Variants in CELSR3 observed in about 807,000 individuals in gnomAD.
CELSR3 encodes the protein cadherin EGF LAG seven-pass G-type receptor 3.
A neutral mutation model predicts 270.0 loss-of-function variants in CELSR3; 73 were observed. The ratio of observed to expected loss-of-function variants is 0.27; its 90% CI spans 0.22 to 0.33. The LOEUF (loss-of-function observed/expected upper bound fraction) is 0.33, where lower values mean the gene tolerates loss of function less well. Ranked by LOEUF, CELSR3 falls within the 10% of genes least tolerant of loss-of-function variation. The pLI is 1.00. For synonymous variants in CELSR3, 1,780 were observed against 1,905.4 expected (o/e 0.93, Z 1.71); for missense variants, 3,614 against 4,533.8 (o/e 0.80, Z 5.83).
At chr3:48,643,781 A>G in intron 27 of CELSR3, 104 bp from the exon 28 acceptor site, 2 of 1,362,038 alleles carry the variant, frequency 1.5e-6, no homozygotes, top group East Asian at 2.5e-5. Context: ...GAAACGTGAA[A>G]AAAAGGAACT....
chr3:48,648,147 G>A (rs563676463), intron 19 of CELSR3, 119 bp downstream of exon 19: 24 of 1,406,308 alleles, frequency 1.7e-5, no homozygotes, highest in South Asian at 6.6e-5. Flanking sequence ...CGCTGAGGGC[G>A]GTGGCTGAGT....
At position 48,643,065 on chromosome 3, in the gene CELSR3, G is replaced by A. The variant is rs2047044410; in HGVS notation, c.8308C>T (p.Leu2770Phe). Residue 2770 changes from leucine to phenylalanine, a missense_variant, in exon 29 of 35, where the codon CTC becomes TTC. Leu to Phe is a conservative substitution (Grantham distance 22). This residue lies in a region of CELSR3 where 1,240 missense variants were observed against 1,351.7 expected (regional missense o/e 0.92). Transcript: ENST00000164024. ...CGLQGLAVLL[L>F]FCVLNADARA... Reference sequence around the variant, plus strand: ...GCATCTGCATTTAGGACACAGAAGAGCAGCAGCACCGCCAGGCCCTGTGGG... The same window carrying A: ...GCATCTGCATTTAGGACACAGAAGAACAGCAGCACCGCCAGGCCCTGTGGG... 2 of 1,612,102 alleles carry A rather than the reference G, an allele frequency of 1.2e-6. No homozygotes were observed. Among genetic ancestry groups the A allele is most frequent in the East Asian group, 2.2e-5 (1 of 44,884 alleles).
In CELSR3 at chr3:48,655,866, A is replaced by T; in HGVS notation, c.4626-15T>A. On this transcript the variant is annotated splice_polypyrimidine_tract_variant and intron_variant, in intron 3 of 34. Coordinates refer to ENST00000164024, the MANE Select transcript of CELSR3 (RefSeq NM_001407.3). The surrounding 1 kb of genome is among the most constrained non-coding windows in gnomAD (Gnocchi z 5.8). The stretch of plus-strand genomic sequence containing the variant: ...CTGTCGCGAACCTGGGCGGGGTGGG[A>T]GGGGGTTGCGGGGGTGGGAGCGTCA... The T allele has an allele frequency of 3.9e-4, 88 of 222,804 alleles. No individual in the cohort carries two copies. Among genetic ancestry groups the T allele is most frequent in the Non-Finnish European group, 7.2e-4 (83 of 115,096 alleles). 13.8% of individuals were successfully genotyped at this position (222,804 alleles called of 1,614,324 possible).
At position 48,640,392 on chromosome 3, in the gene CELSR3, G is replaced by A. The variant is rs374253690; in HGVS notation, c.9193C>T (p.Arg3065Cys). 100 of 1,612,506 alleles carry A rather than the reference G, an allele frequency of 6.2e-5. No homozygotes were observed. Among genetic ancestry groups the A allele is most frequent in the Non-Finnish European group, 8.1e-5 (95 of 1,179,922 alleles). The change falls in exon 34 of 35, where the codon CGC (arginine) becomes TGC (cysteine). Residue 3065 changes from arginine to cysteine, a missense_variant. Physicochemically the swap from Arg to Cys is radical, Grantham distance 180. This residue lies in a region of CELSR3 where 1,240 missense variants were observed against 1,351.7 expected (regional missense o/e 0.92). Coordinates refer to ENST00000164024, the MANE Select transcript of CELSR3 (RefSeq NM_001407.3). The surrounding 1 kb of genome is among the most constrained non-coding windows in gnomAD (Gnocchi z 7.5). ...TCCAGCTGTTCTCTAGAAGAGTAGC[G>A]GCTGGCTGGCTGTGAAAGGCTGCCC... ...GTGSLSQPASRYSSREQLDLL... is the reference protein window; with the variant it reads ...GTGSLSQPASCYSSREQLDLL...
rs2106704809 is a variant in CELSR3, at chr3:48,646,331, C to T, written c.7296-74G>A. Reference sequence around the variant, plus strand: ...CAGCCTGCTTGCCTCACCCCGTCTTCATGCCACTCGCCAGGGCTGACCCAG... The same window carrying T: ...CAGCCTGCTTGCCTCACCCCGTCTTTATGCCACTCGCCAGGGCTGACCCAG... On this transcript the variant is annotated intron_variant, in intron 21 of 34. Transcript: ENST00000164024. This position sits in a 1 kb window ranked among gnomAD's most constrained non-coding sequence, Gnocchi z 4.8. 2 of 1,478,386 alleles carry T rather than the reference C, an allele frequency of 1.4e-6. No individual in the cohort carries two copies. The highest frequency in any genetic ancestry group is 1.8e-6 in the Non-Finnish European group (2 of 1,095,690). 91.6% of individuals were successfully genotyped at this position (1,478,386 alleles called of 1,614,324 possible). A position where few individuals can be genotyped will look rare whatever the true frequency, so the allele number is the denominator to read the frequency against.
Position 48,641,006 on chromosome 3 carries a change from C to T in CELSR3, c.9025+318G>A. 2.5e-6 allele frequency: 1 copy of T among 403,802 alleles called. No homozygotes were observed. Among genetic ancestry groups the T allele is most frequent in the South Asian group, 4.2e-5 (1 of 23,814 alleles). 25.0% of individuals were successfully genotyped at this position (403,802 alleles called of 1,614,324 possible). A position where few individuals can be genotyped will look rare whatever the true frequency, so the allele number is the denominator to read the frequency against. ...AGTAGGGGGCAGAAATCTTCCAGATCAGAGCACGGGCTCTGGGATCTGGGT... is the reference window on the plus strand; with the variant it reads ...AGTAGGGGGCAGAAATCTTCCAGATTAGAGCACGGGCTCTGGGATCTGGGT... On this transcript the variant is annotated intron_variant, in intron 33 of 34. Coordinates refer to ENST00000164024, the MANE Select transcript of CELSR3 (RefSeq NM_001407.3). The surrounding 1 kb of genome is among the most constrained non-coding windows in gnomAD (Gnocchi z 4.8).
chr3:48,661,230 G>A lies in CELSR3; in HGVS notation c.1405C>T (p.Arg469Cys). ...GCTGGCGGCCCCACGAAGCGGTAGC[G>A]CAGGTTGGCGTTGGGGGGCGCGTCG... ...DGDAPPNANL[R>C]YRFVGPPAAR... Residue 469 changes from arginine (R) to cysteine (C), a missense_variant, in exon 1 of 35, where the codon CGC (arginine) becomes TGC (cysteine). Around this residue, in one of 7 missense-constraint regions of CELSR3, gnomAD observed 354 missense variants for 500.9 expected, o/e 0.71. Coordinates refer to ENST00000164024, the MANE Select transcript of CELSR3 (RefSeq NM_001407.3). 1 of 1,606,258 alleles carries A rather than the reference G, an allele frequency of 6.2e-7. No homozygotes were observed. The highest frequency in any genetic ancestry group is 8.5e-7 in the Non-Finnish European group (1 of 1,175,876).
rs142475235 is a variant in CELSR3, at chr3:48,660,055, A to G, written c.2580T>C (p.Ser860=). ...CATTCACACTCACTGAGTAGTGGGC[A>G]CTTTGAAAGACCGGCCGATGAGTGT... ...DANTHRPVFQ[S]AHYSVSVNED... The change falls in exon 1 of 35, where the codon AGT becomes AGC. Residue 860 remains serine, a synonymous_variant. Transcript: ENST00000164024. The surrounding 1 kb of genome is among the most constrained non-coding windows in gnomAD (Gnocchi z 5.5). 1.9e-6 allele frequency: 3 copies of G among 1,614,208 alleles called. No individual in the cohort carries two copies. The South Asian group carries it at 3.3e-5, about 18-fold the overall frequency.
At chr3:48,638,296 C>T (rs961513578) in intron 34 of CELSR3, 64 bp from the exon 35 acceptor site, 2 of 1,243,200 alleles carry the variant, frequency 1.6e-6, no homozygotes, top group East Asian at 4.6e-5. Context: ...CGGCTCTGGA[C>T]TCCCCCACCA....
rs773666090 is a variant in CELSR3, at chr3:48,657,097, CT to C, written c.3999del (p.Ala1334LeufsTer55). The part of the protein sequence containing the change: ...GTVLNVSFSA[L>X]APRGAGAGAA... Reference sequence around the variant, plus strand: ...GCGCCCGCCCCGGCCCCACGTGGAGCTAGCGCCGAGAAACTCACATTGAGCA... The same window carrying C: ...GCGCCCGCCCCGGCCCCACGTGGAGCAGCGCCGAGAAACTCACATTGAGCA... On this transcript the variant is annotated frameshift_variant, in exon 2 of 35. Transcript: ENST00000164024. LOFTEE classifies it high-confidence loss of function. This position sits in a 1 kb window ranked among gnomAD's most constrained non-coding sequence, Gnocchi z 5.4. 1 of 1,613,948 alleles carries C rather than the reference CT, an allele frequency of 6.2e-7. No individual in the cohort carries two copies. Among genetic ancestry groups the C allele is most frequent in the South Asian group, 1.1e-5 (1 of 91,092 alleles).
Position 48,646,816 on chromosome 3 carries a change from G to C in CELSR3, c.7242C>G (p.Arg2414=), listed in dbSNP as rs777083096. Residue 2414 remains arginine, a synonymous_variant, in exon 21 of 35, where the codon CGC becomes CGG. Coordinates refer to ENST00000164024, the MANE Select transcript of CELSR3 (RefSeq NM_001407.3). The surrounding 1 kb of genome is among the most constrained non-coding windows in gnomAD (Gnocchi z 4.8). ...GISIIILLVY[R]TLGGLLPAQF... is the part of the protein sequence containing the mutation. The stretch of plus-strand genomic sequence containing the variant: ...GGGCAGGGAGCAGTCCCCCTAAGGT[G>C]CGGTAAACGAGGAGAATGATAATGG... 6 of 1,607,790 alleles carry C rather than the reference G, an allele frequency of 3.7e-6. No individual in the cohort carries two copies. The South Asian group carries it at 6.6e-5, about 18-fold the overall frequency.
Position 48,653,956 on chromosome 3 carries a change from T to G in CELSR3, c.5200A>C (p.Ser1734Arg), listed in dbSNP as rs778154139. ...CCCCAGCGCTCCGAGCAGAAGCCACTGTTCTTGCAGGGGCCTGAGTCACAA... is the reference window on the plus strand; with the variant it reads ...CCCCAGCGCTCCGAGCAGAAGCCACGGTTCTTGCAGGGGCCTGAGTCACAA... The part of the protein sequence containing the change: ...HFCDSGPCKN[S>R]GFCSERWGSF... The change falls in exon 8 of 35, where the codon AGT becomes CGT. Residue 1734 changes from serine to arginine, a missense_variant. Coordinates refer to ENST00000164024, the MANE Select transcript of CELSR3 (RefSeq NM_001407.3). The surrounding 1 kb of genome is among the most constrained non-coding windows in gnomAD (Gnocchi z 6.5). 4.3e-6 allele frequency: 7 copies of G among 1,613,610 alleles called. No homozygotes were observed. The South Asian group carries it at 7.7e-5, about 18-fold the overall frequency.
Position 48,650,402 on chromosome 3 carries a change from G to T in CELSR3, c.6472+78C>A, listed in dbSNP as rs2047126649. 8.4e-7 allele frequency: 1 copy of T among 1,185,756 alleles called. No individual in the cohort carries two copies. The allele number at this position is 1,185,756 out of a possible 1,614,324, so 73.5% of individuals were successfully genotyped here. On this transcript the variant is annotated intron_variant, in intron 16 of 34. Transcript: ENST00000164024. The surrounding 1 kb of genome is among the most constrained non-coding windows in gnomAD (Gnocchi z 5.1). ...TGCAGGAACAAAGCCACCCAATTTA[G>T]GAAAAGACATGGCTCTAGCAGTCAG...
chr3:48,642,900 A>AC lies in CELSR3; in HGVS notation c.8407-17dup, dbSNP rs1279295443. The AC allele has an allele frequency of 6.2e-7, 1 of 1,612,510 alleles. No homozygotes were observed. The highest frequency in any genetic ancestry group is 1.3e-5 in the African/African-American group (1 of 75,008). The stretch of plus-strand genomic sequence containing the variant: ...CCCCAGGTCCCTGGGGGTGGTAGGG[A>AC]CAGAGTGTGAGCTAACCCTGAAGCA... On this transcript the variant is annotated splice_polypyrimidine_tract_variant and intron_variant, in intron 29 of 34. Transcript: ENST00000164024. The surrounding 1 kb of genome is among the most constrained non-coding windows in gnomAD (Gnocchi z 6.1).
Position 48,645,551 on chromosome 3 carries a change from G to C in CELSR3, c.7689C>G (p.Ser2563Arg). Residue 2563 changes from serine (S) to arginine (R), a missense_variant, in exon 24 of 35, where the codon AGC (serine) becomes AGG (arginine). This residue lies in a region of CELSR3 where 1,240 missense variants were observed against 1,351.7 expected (regional missense o/e 0.92). Coordinates refer to ENST00000164024, the MANE Select transcript of CELSR3 (RefSeq NM_001407.3). The surrounding 1 kb of genome is among the most constrained non-coding windows in gnomAD (Gnocchi z 5.4). ...ALVLTAAILLSLRSLKSNVRG... is the reference protein window; with the variant it reads ...ALVLTAAILLRLRSLKSNVRG... ...GCACATTGGACTTGAGGCTGCGCAG[G>C]CTCAGCAGGATGGCTGCAGTCAGCA... 2.5e-6 allele frequency: 4 copies of C among 1,612,678 alleles called. No individual in the cohort carries two copies. Among genetic ancestry groups the C allele is most frequent in the Non-Finnish European group, 3.4e-6 (4 of 1,179,988 alleles).
In CELSR3 at chr3:48,646,909, G is replaced by A; in HGVS notation, c.7149C>T (p.Ser2383=). 1.3e-6 allele frequency: 2 copies of A among 1,552,896 alleles called. No homozygotes were observed. The highest frequency in any genetic ancestry group is 1.7e-6 in the Non-Finnish European group (2 of 1,155,036). The change falls in exon 21 of 35, where the codon AGC becomes AGT. Residue 2383 remains serine, a synonymous_variant. Coordinates refer to ENST00000164024, the MANE Select transcript of CELSR3 (RefSeq NM_001407.3). The surrounding 1 kb of genome is among the most constrained non-coding windows in gnomAD (Gnocchi z 4.8). ...CACTTGAGGTGGTGGAGTTTTCTAT[G>A]CTGCTGCTTGTGGGCAGAACTGCCA... is the stretch of plus-strand genomic sequence containing the variant. ...SPSEVLPTSS[S]IENSTTSSVV...
rs1270505515 is a variant in CELSR3, at chr3:48,658,615, G to C, written c.3748+272C>G. 6.6e-6 allele frequency among the ~76,000 whole-genome samples: 1 copy of C among 152,214 alleles called. No homozygotes were observed. Among genetic ancestry groups the C allele is most frequent in the Non-Finnish European group, 1.5e-5 (1 of 68,034 alleles). ...CAGGACCTCTGACCTTTTATCAGGA[G>C]GGGAGATATCCCTAGGTAGCAGACA... On this transcript the variant is annotated intron_variant, in intron 1 of 34. Transcript: ENST00000164024. This position sits in a 1 kb window ranked among gnomAD's most constrained non-coding sequence, Gnocchi z 4.7.
chr3:48,645,329 G>A lies in CELSR3; in HGVS notation c.7797+114C>T, dbSNP rs746793335. 5 of 1,554,230 alleles carry A rather than the reference G, an allele frequency of 3.2e-6. No homozygotes were observed. The highest frequency in any genetic ancestry group is 4.4e-6 in the Non-Finnish European group (5 of 1,137,282). On this transcript the variant is annotated intron_variant, in intron 24 of 34. Transcript: ENST00000164024. This position sits in a 1 kb window ranked among gnomAD's most constrained non-coding sequence, Gnocchi z 5.4. ...CAATATCTTACCCCAGCATCCTGCTGAAAACCCTGGCCCCAACCTGAGCAT... is the reference window on the plus strand; with the variant it reads ...CAATATCTTACCCCAGCATCCTGCTAAAAACCCTGGCCCCAACCTGAGCAT...
chr3:48,660,447 C>T lies in CELSR3; in HGVS notation c.2188G>A (p.Asp730Asn). The change falls in exon 1 of 35, where the codon GAC becomes AAC. Residue 730 changes from aspartate to asparagine, a missense_variant. Transcript: ENST00000164024. This position sits in a 1 kb window ranked among gnomAD's most constrained non-coding sequence, Gnocchi z 5.5. ...GCAGAGAGTGGGGGTGAGCCATGGT[C>T]TCGAGCCTCCACACCAAAGAAGTAA... ...EHYFFGVEAR[D>N]HGSPPLSASA... 1 of 1,614,120 alleles carries T rather than the reference C, an allele frequency of 6.2e-7. No individual in the cohort carries two copies. Among genetic ancestry groups the T allele is most frequent in the Non-Finnish European group, 8.5e-7 (1 of 1,180,036 alleles).
Sources: gnomAD v4.1 joint callset for allele counts (sites outside exome capture counted in the v4.1 genomes callset) on GRCh38, gnomAD v4.1.1 for gene constraint, gnomAD v4.1.1 regional missense constraint, Gnocchi (gnomAD v3.1) non-coding constraint, MANE v1.5 for transcripts, NCBI Gene and HGNC (gene_info 2026-07-23, HGNC 2026-07-21) for gene names.